The following POU2AF2 variants were observed in gnomAD, a reference collection of about 807,000 sequenced individuals.
POU2AF2 encodes POU domain class 2-associating factor 2.
the POU2AF2 span, among the ~76,000 whole-genome samples, chr11:111,251,841 C>T: frequency 6.6e-6 from 1 of 152,210 alleles, no homozygotes; most frequent in Non-Finnish European, 1.5e-5. Context: ...CATATAGCCC[C>T]GTGCTTTGCA....
the POU2AF2 span, chr11:111,256,065 C>T: frequency 1.0e-5 from 4 of 398,914 alleles, no homozygotes; most frequent in East Asian, 3.6e-5. Context: ...AAAAACGATC[C>T]GGGCAGACAA....
the POU2AF2 span, among the ~76,000 whole-genome samples, chr11:111,253,240 T>G: frequency 3.7e-4 from 56 of 152,204 alleles, no homozygotes; most frequent in African/African-American, 1.3e-3. Context: ...AACCTGTGTG[T>G]CAGAAATCAG....
the POU2AF2 span, among the ~76,000 whole-genome samples, chr11:111,276,326 G>A: frequency 8.6e-5 from 13 of 150,970 alleles, no homozygotes; most frequent in East Asian, 5.8e-4. Flanking sequence ...GGCCGGGCGC[G>A]GTGGCTCCTA....
chr11:111,283,794 G>T, the POU2AF2 span, among the ~76,000 whole-genome samples: 1 of 152,156 alleles, frequency 6.6e-6, no homozygotes, highest in Admixed American at 6.5e-5. Context: ...CTAGCACAGC[G>T]CCGGTCACCG....
chr11:111,285,587 A>G, the POU2AF2 span: 2 of 1,529,494 alleles, frequency 1.3e-6, no homozygotes, highest in East Asian at 2.5e-5. Context: ...ACAGTCTGGC[A>G]GCACACAATG....
the POU2AF2 span, among the ~76,000 whole-genome samples, chr11:111,249,170 T>C: frequency 6.6e-6 from 1 of 152,252 alleles, no homozygotes; most frequent in Non-Finnish European, 1.5e-5. Context: ...CAAGTTTGTA[T>C]CTAGAGTATT....
At chr11:111,276,439 G>GAAAAAAGA in the POU2AF2 span, among the ~76,000 whole-genome samples, 8 of 44,440 alleles carry the variant, frequency 1.8e-4, no homozygotes, top group Admixed American at 2.8e-4. Context: ...CTACTAAAAA[G>GAAAAAAGA]AAAAAAAAAA....
chr11:111,276,039 A>AT, the POU2AF2 span, among the ~76,000 whole-genome samples: 1 of 152,114 alleles, frequency 6.6e-6, no homozygotes, highest in East Asian at 1.9e-4. Flanking sequence ...TCTAACATGT[A>AT]TCTAAACAGA....
the POU2AF2 span, among the ~76,000 whole-genome samples, chr11:111,261,690 G>A: frequency 6.6e-6 from 1 of 152,166 alleles, no homozygotes; most frequent in African/African-American, 2.4e-5. Context: ...TAGGAATCAG[G>A]ATTTGATGTT....
the POU2AF2 span, among the ~76,000 whole-genome samples, chr11:111,276,275 G>T: frequency 6.6e-6 from 1 of 151,268 alleles, no homozygotes. Context: ...ATAAGGAAAA[G>T]ATTGTCACAA....
chr11:111,260,693 G>C, the POU2AF2 span, among the ~76,000 whole-genome samples: 3 of 152,172 alleles, frequency 2.0e-5, no homozygotes, highest in Non-Finnish European at 4.4e-5. Flanking sequence ...AGGGCACACA[G>C]CCCTGCCAAC....
chr11:111,261,221 T>A, the POU2AF2 span, among the ~76,000 whole-genome samples: 1 of 151,858 alleles, frequency 6.6e-6, no homozygotes, highest in Non-Finnish European at 1.5e-5. Context: ...TCTACCAAGA[T>A]ATATAAATGT....
chr11:111,276,662 AG>A, the POU2AF2 span, among the ~76,000 whole-genome samples: 2 of 147,882 alleles, frequency 1.4e-5, no homozygotes, highest in African/African-American at 4.9e-5. Context: ...AGAAAAAAAA[AG>A]ATAATGGTAT....
the POU2AF2 span, chr11:111,281,283 T>A: frequency 1.3e-6 from 1 of 775,824 alleles, no homozygotes; most frequent in East Asian, 2.9e-5. Flanking sequence ...TCAACCCAAC[T>A]CCCCAGATAA....
the POU2AF2 span, chr11:111,245,831 G>A: frequency 3.3e-5 from 13 of 398,806 alleles, no homozygotes; most frequent in Non-Finnish European, 5.3e-5. Flanking sequence ...TGTTAAGAAG[G>A]AAATCCACCA....
the POU2AF2 span, among the ~76,000 whole-genome samples, chr11:111,282,804 G>A: frequency 6.6e-6 from 1 of 151,706 alleles, no homozygotes; most frequent in Non-Finnish European, 1.5e-5. Flanking sequence ...ATGACCTAAG[G>A]GTGTTGGTGT....
At chr11:111,276,453 A>AAAAAAAAAATATAT in the POU2AF2 span, among the ~76,000 whole-genome samples, 27 of 37,638 alleles carry the variant, frequency 7.2e-4, no homozygotes, top group East Asian at 2.5e-3. Flanking sequence ...AAAAAAAAAA[A>AAAAAAAAAATATAT]ATATATATAT....
the POU2AF2 span, among the ~76,000 whole-genome samples, chr11:111,265,533 C>T: frequency 2.6e-5 from 4 of 152,052 alleles, no homozygotes; most frequent in Admixed American, 6.5e-5. Flanking sequence ...TAAATGGGAA[C>T]GGTGATAGCT....
chr11:111,281,508 C>G, the POU2AF2 span: 4 of 1,534,530 alleles, frequency 2.6e-6, no homozygotes, highest in Non-Finnish European at 3.6e-6. Flanking sequence ...GGCTTCCATT[C>G]TTTCATAACG....
Sources: gnomAD v4.1 joint callset for allele counts (sites outside exome capture counted in the v4.1 genomes callset) on GRCh38, gnomAD v4.1.1 for gene constraint, MANE v1.5 for transcripts, NCBI Gene and HGNC (gene_info 2026-07-23, HGNC 2026-07-21) for gene names.